The following GUCY1A2 variants were observed in gnomAD, a reference collection of about 807,000 sequenced individuals.
The protein encoded by GUCY1A2 is guanylate cyclase soluble subunit alpha-2.
A neutral mutation model predicts 63.5 loss-of-function variants in GUCY1A2; 27 were observed. The ratio of observed to expected loss-of-function variants is 0.43; its 90% CI spans 0.31 to 0.59. GUCY1A2 has a LOEUF of 0.59. Among genes scored for constraint, GUCY1A2 ranks in the 20% least tolerant of loss-of-function variants. The pLI is 0.11. For synonymous variants in GUCY1A2, 364 were observed against 343.5 expected (o/e 1.06, Z -0.66); for missense variants, 768 against 913.3 (o/e 0.84, Z 2.05).
chr11:106,825,024 T>C (rs554468811), intron 4 of GUCY1A2: 1 of 1,513,826 alleles, frequency 6.6e-7, no homozygotes, highest in South Asian at 1.2e-5. Flanking sequence ...TTTTTGTAGT[T>C]AGACAATAGT....
chr11:106,867,510 T>C (rs1859611456), intron 4 of GUCY1A2, among the ~76,000 whole-genome samples: 1 of 152,072 alleles, frequency 6.6e-6, no homozygotes, highest in African/African-American at 2.4e-5. Context: ...CCTCTAGAAT[T>C]AAAATTTACT....
At chr11:106,721,044 A>AT (rs551400352) in intron 6 of GUCY1A2, among the ~76,000 whole-genome samples, 2 of 151,258 alleles carry the variant, frequency 1.3e-5, no homozygotes, top group South Asian at 4.2e-4. Context: ...TTCTCCACCA[A>AT]TAAAAAGGAC....
rs1321278060 is a variant in GUCY1A2, at chr11:106,683,370, A to G, written c.*4179T>C. ...ACCCAAAGCCTATTCAGAGTCATTT[A>G]TAATTAATTTCAAAGGAACATTCAG... On this transcript the variant is annotated 3_prime_UTR_variant, in exon 8 of 8. Coordinates refer to ENST00000526355, the MANE Select transcript of GUCY1A2 (RefSeq NM_000855.3). 2 of 223,632 alleles carry G rather than the reference A, an allele frequency of 8.9e-6. No individual in the cohort carries two copies. The highest frequency in any genetic ancestry group is 6.4e-5 in the East Asian group (1 of 15,550). 13.9% of individuals were successfully genotyped at this position (223,632 alleles called of 1,614,324 possible).
intron 3 of GUCY1A2, among the ~76,000 whole-genome samples, 184 bp downstream of exon 3, chr11:106,978,435 T>C (rs1313472020): frequency 1.3e-5 from 2 of 152,210 alleles, no homozygotes; most frequent in African/African-American, 4.8e-5. Flanking sequence ...TCTAAGTAAG[T>C]GGCATGCAAG....
At chr11:106,954,929 A>G (rs1372485930) in intron 3 of GUCY1A2, among the ~76,000 whole-genome samples, 1 of 151,524 alleles carries the variant, frequency 6.6e-6, no homozygotes, top group Admixed American at 6.6e-5. Context: ...TCCTGAATAC[A>G]GCACACAGAT....
Position 106,674,355 on chromosome 11 carries a change from A to G in GUCY1A2, c.*13194T>C, listed in dbSNP as rs893225757. 1.1e-5 allele frequency: 2 copies of G among 179,064 alleles called. No homozygotes were observed. Among genetic ancestry groups the G allele is most frequent in the Non-Finnish European group, 2.4e-5 (2 of 83,458 alleles). The allele number at this position is 179,064 out of a possible 1,614,324, so 11.1% of individuals were successfully genotyped here. ...ATCAAAGAAGATATTGTGGATATTT[A>G]TAATCTTATATGAGTTATACTTTTA... On this transcript the variant is annotated 3_prime_UTR_variant, in exon 8 of 8. Transcript: ENST00000526355.
At chr11:106,958,376 T>G (rs1861017410) in intron 3 of GUCY1A2, among the ~76,000 whole-genome samples, 1 of 152,134 alleles carries the variant, frequency 6.6e-6, no homozygotes, top group African/African-American at 2.4e-5. Flanking sequence ...CTCCAGTAAT[T>G]ACAAAATTCC....
In GUCY1A2 at chr11:106,730,235, T is replaced by C. The variant is rs1863479762; in HGVS notation, c.1837-21569A>G. Among the ~76,000 whole-genome samples, 3 of 151,622 alleles carry C rather than the reference T, an allele frequency of 2.0e-5. No individual in the cohort carries two copies. In the South Asian group the frequency reaches 6.2e-4, roughly 32 times the overall value. Reference sequence around the variant, plus strand: ...TTCATCACCCAGGTAACAAGCATAGTACCTGATAGGTAGTTTTTTGATCCT... The same window carrying C: ...TTCATCACCCAGGTAACAAGCATAGCACCTGATAGGTAGTTTTTTGATCCT... On this transcript the variant is annotated intron_variant, in intron 6 of 7. Transcript: ENST00000526355.
At chr11:106,961,381 G>C (rs1184179714) in intron 3 of GUCY1A2, among the ~76,000 whole-genome samples, 3 of 152,098 alleles carry the variant, frequency 2.0e-5, no homozygotes, top group African/African-American at 7.2e-5. Flanking sequence ...TGAGCTAAAA[G>C]AGATATAAAA....
intron 6 of GUCY1A2, among the ~76,000 whole-genome samples, chr11:106,742,638 C>CTGCAA (rs1425037406): frequency 6.6e-6 from 1 of 152,146 alleles, no homozygotes; most frequent in African/African-American, 2.4e-5. Context: ...GTGAATAGTA[C>CTGCAA]TGCAATGAAC....
At chr11:106,974,042 T>C (rs573529414) in intron 3 of GUCY1A2, among the ~76,000 whole-genome samples, 2 of 152,222 alleles carry the variant, frequency 1.3e-5, no homozygotes, top group South Asian at 4.1e-4. Flanking sequence ...GTAGCTGAGA[T>C]GCATTTTCAA....
In GUCY1A2 at chr11:106,683,744, C is replaced by G. The variant is rs938872267; in HGVS notation, c.*3805G>C. On this transcript the variant is annotated 3_prime_UTR_variant, in exon 8 of 8. Transcript: ENST00000526355. ...CAGAAACCTGTGTGTAAAAGTTTTA[C>G]TTTTTGCCTTAACCATCCACAACAC... The G allele has an allele frequency of 4.5e-6, 1 of 221,366 alleles. No homozygotes were observed. Among genetic ancestry groups the G allele is most frequent in the African/African-American group, 2.2e-5 (1 of 44,648 alleles). 13.7% of individuals were successfully genotyped at this position (221,366 alleles called of 1,614,324 possible).
At chr11:106,948,901 C>T (rs988869700) in intron 3 of GUCY1A2, among the ~76,000 whole-genome samples, 12 of 151,986 alleles carry the variant, frequency 7.9e-5, no homozygotes, top group African/African-American at 2.4e-4. Context: ...CAATTAAGAT[C>T]GTACAATGCA....
Position 106,675,340 on chromosome 11 carries a change from C to T in GUCY1A2, c.*12209G>A, listed in dbSNP as rs1283822413. On this transcript the variant is annotated 3_prime_UTR_variant, in exon 8 of 8. Transcript: ENST00000526355. ...TGAAGAAAAATCAGAAAGTATTTTT[C>T]TCCATGGACCATTATTCTATTTGAA... is the stretch of plus-strand genomic sequence containing the variant. The T allele has an allele frequency of 5.2e-6, 1 of 191,874 alleles. No homozygotes were observed. Among genetic ancestry groups the T allele is most frequent in the Non-Finnish European group, 1.1e-5 (1 of 93,308 alleles). The allele number at this position is 191,874 out of a possible 1,614,324, so 11.9% of individuals were successfully genotyped here.
intron 1 of GUCY1A2, among the ~76,000 whole-genome samples, chr11:106,998,414 T>C (rs992277860): frequency 2.0e-5 from 3 of 152,234 alleles, no homozygotes; most frequent in African/African-American, 4.8e-5. Flanking sequence ...TTAAATATCT[T>C]GCTCTACCAT....
At chr11:106,849,470 T>C (rs956661511) in intron 4 of GUCY1A2, among the ~76,000 whole-genome samples, 3 of 151,424 alleles carry the variant, frequency 2.0e-5, no homozygotes, top group Non-Finnish European at 4.4e-5. Flanking sequence ...AATTAGTGTT[T>C]TGTGGTTTAA....
rs1370728032 is a variant in GUCY1A2 at position 107,006,131 on chromosome 11, C to T, written c.303+11622G>A. On this transcript the variant is annotated intron_variant, in intron 1 of 7. Coordinates refer to ENST00000526355, the MANE Select transcript of GUCY1A2 (RefSeq NM_000855.3). Reference sequence around the variant, plus strand: ...AGAGAGGCGAATTTATCCAGTGATGCCCAAGATAACAAGAAGAGTTTGCCA... The same window carrying T: ...AGAGAGGCGAATTTATCCAGTGATGTCCAAGATAACAAGAAGAGTTTGCCA... Among the ~76,000 whole-genome samples the T allele has an allele frequency of 2.0e-5, 3 of 152,154 alleles. No homozygotes were observed. The East Asian group carries it at 5.8e-4, about 29-fold the overall frequency.
intron 6 of GUCY1A2, among the ~76,000 whole-genome samples, chr11:106,774,701 C>T (rs1864324362): frequency 6.6e-6 from 1 of 152,140 alleles, no homozygotes; most frequent in Non-Finnish European, 1.5e-5. Flanking sequence ...CTGTCTCCCA[C>T]ATATTTTATA....
At chr11:106,984,652 TATTA>T (rs1427536746) in intron 2 of GUCY1A2, among the ~76,000 whole-genome samples, 1 of 152,186 alleles carries the variant, frequency 6.6e-6, no homozygotes, top group Non-Finnish European at 1.5e-5. Context: ...GTCATAAAAA[TATTA>T]ATAATAACGA....
Sources: gnomAD v4.1 joint callset for allele counts (sites outside exome capture counted in the v4.1 genomes callset) on GRCh38, gnomAD v4.1.1 for gene constraint, MANE v1.5 for transcripts, NCBI Gene and HGNC (gene_info 2026-07-23, HGNC 2026-07-21) for gene names.